The following ASCL5 variants were observed in gnomAD, a reference collection of about 807,000 sequenced individuals.
ASCL5 encodes achaete-scute family bHLH transcription factor 5.
For missense variants in ASCL5, 262 were observed against 268.9 expected (o/e 0.97, Z 0.18); for synonymous variants, 124 against 131.5 (o/e 0.94, Z 0.39).
intron 1 of ASCL5, among the ~76,000 whole-genome samples, chr1:201,120,347 A>G (rs1202162127): frequency 6.6e-6 from 1 of 151,954 alleles, no homozygotes; most frequent in Non-Finnish European, 1.5e-5. Context: ...GCACATTATC[A>G]TAACTTGCTG....
chr1:201,123,365 A>C (rs936009407), intron 1 of ASCL5, among the ~76,000 whole-genome samples: 1 of 152,194 alleles, frequency 6.6e-6, no homozygotes, highest in Non-Finnish European at 1.5e-5. Context: ...GGACAACCTC[A>C]ACTGCTGCCC....
Position 201,114,598 on chromosome 1 carries a change from G to T in ASCL5, c.*154C>A. 1.6e-6 allele frequency: 1 copy of T among 607,948 alleles called. No individual in the cohort carries two copies. Among genetic ancestry groups the T allele is most frequent in the Non-Finnish European group, 2.4e-6 (1 of 421,520 alleles). The allele number at this position is 607,948 out of a possible 1,614,324, so 37.7% of individuals were successfully genotyped here. A position where few individuals can be genotyped will look rare whatever the true frequency, so the allele number is the denominator to read the frequency against. On this transcript the variant is annotated 3_prime_UTR_variant, in exon 2 of 2. Transcript: ENST00000449188. ...TGCACTTCCGCCCCAAGCTGGTGGA[G>T]GAGGGAGGGTGTCGCAGACACGGGA...
intron 1 of ASCL5, among the ~76,000 whole-genome samples, chr1:201,118,701 C>T (rs1255363667): frequency 6.6e-6 from 1 of 152,060 alleles, no homozygotes; most frequent in East Asian, 1.9e-4. Context: ...TAGGATAGAA[C>T]AGCAAACAAA....
intron 1 of ASCL5, among the ~76,000 whole-genome samples, chr1:201,118,360 G>T (rs953768251): frequency 2.6e-4 from 39 of 152,094 alleles, no homozygotes; most frequent in African/African-American, 9.2e-4. Context: ...ATGTGCCTGT[G>T]GTCTCAGCTA....
chr1:201,123,732 C>A (rs1485756549), intron 1 of ASCL5, among the ~76,000 whole-genome samples: 1 of 152,206 alleles, frequency 6.6e-6, no homozygotes, highest in Non-Finnish European at 1.5e-5. Flanking sequence ...CCCCACCCCA[C>A]CCAAGGGGAG....
Position 201,115,636 on chromosome 1 carries a change from G to A in ASCL5, c.-264C>T. On this transcript the variant is annotated 5_prime_UTR_variant, in exon 2 of 2. Coordinates refer to ENST00000449188, the MANE Select transcript of ASCL5 (RefSeq NM_001270601.2). ...CCCATGGCGCCGCGGAACTCTGAGG[G>A]CCCGCACCCCGTTCCGCAGCACCCA... 1 of 301,768 alleles carries A rather than the reference G, an allele frequency of 3.3e-6. No individual in the cohort carries two copies. Among genetic ancestry groups the A allele is most frequent in the Non-Finnish European group, 6.1e-6 (1 of 165,224 alleles). 18.7% of individuals were successfully genotyped at this position (301,768 alleles called of 1,614,324 possible).
intron 1 of ASCL5, among the ~76,000 whole-genome samples, chr1:201,125,124 CA>C (rs1442010532): frequency 2.0e-5 from 3 of 152,250 alleles, no homozygotes; most frequent in Admixed American, 6.5e-5. Flanking sequence ...TGACTTTGAG[CA>C]GGCCTATTCC....
Position 201,115,065 on chromosome 1 carries a change from T to A in ASCL5, c.308A>T (p.Tyr103Phe). The A allele has an allele frequency of 3.2e-6, 4 of 1,232,020 alleles. No homozygotes were observed. The highest frequency in any genetic ancestry group is 4.0e-6 in the Non-Finnish European group (4 of 988,250). The allele number at this position is 1,232,020 out of a possible 1,614,324, so 76.3% of individuals were successfully genotyped here. A position where few individuals can be genotyped will look rare whatever the true frequency, so the allele number is the denominator to read the frequency against. ...RQRVKCVNEGYARLRGHLPGA... is the reference protein window; with the variant it reads ...RQRVKCVNEGFARLRGHLPGA... ...GGGGAGGTGGCCGCGGAGGCGAGCG[T>A]AGCCCTCGTTGACGCACTTGACTCG... The change falls in exon 2 of 2, where the codon TAC becomes TTC. Residue 103 changes from tyrosine (Y) to phenylalanine (F), a missense_variant. Coordinates refer to ENST00000449188, the MANE Select transcript of ASCL5 (RefSeq NM_001270601.2).
In ASCL5 at chr1:201,115,588, G is replaced by C. The variant is rs1663323616; in HGVS notation, c.-216C>G. 2.6e-6 allele frequency: 1 copy of C among 377,510 alleles called. No homozygotes were observed. The highest frequency in any genetic ancestry group is 4.6e-5 in the Admixed American group (1 of 21,874). 23.4% of individuals were successfully genotyped at this position (377,510 alleles called of 1,614,324 possible). A position where few individuals can be genotyped will look rare whatever the true frequency, so the allele number is the denominator to read the frequency against. ...CAAGTGTGGCCCCTCTCAGGAGGTC[G>C]GTGCACGCCTTCTCAGAGCCAGCCC... On this transcript the variant is annotated 5_prime_UTR_variant, in exon 2 of 2. Coordinates refer to ENST00000449188, the MANE Select transcript of ASCL5 (RefSeq NM_001270601.2).
At chr1:201,123,982 C>T (rs534468065) in intron 1 of ASCL5, among the ~76,000 whole-genome samples, 14 of 152,208 alleles carry the variant, frequency 9.2e-5, no homozygotes, top group Admixed American at 2.6e-4. Flanking sequence ...CAGTATTTAA[C>T]TTGCTCTCTC....
chr1:201,117,174 G>A (rs1253822664), intron 1 of ASCL5, among the ~76,000 whole-genome samples: 4 of 152,190 alleles, frequency 2.6e-5, no homozygotes, highest in African/African-American at 4.8e-5. Context: ...GGTGGCTCAC[G>A]CCTGTAGTCC....
rs1369208752 is a variant in ASCL5, at chr1:201,115,058, G to T, written c.315C>A (p.Arg105=). 8.1e-7 allele frequency: 1 copy of T among 1,232,164 alleles called. No individual in the cohort carries two copies. Among genetic ancestry groups the T allele is most frequent in the East Asian group, 3.2e-5 (1 of 31,704 alleles). The allele number at this position is 1,232,164 out of a possible 1,614,324, so 76.3% of individuals were successfully genotyped here. A position where few individuals can be genotyped will look rare whatever the true frequency, so the allele number is the denominator to read the frequency against. The part of the protein sequence containing the change: ...RVKCVNEGYA[R]LRGHLPGALA... The stretch of plus-strand genomic sequence containing the variant: ...GGGCGCCGGGGAGGTGGCCGCGGAG[G>T]CGAGCGTAGCCCTCGTTGACGCACT... Residue 105 remains arginine, a synonymous_variant, in exon 2 of 2, where the codon CGC becomes CGA. Coordinates refer to ENST00000449188, the MANE Select transcript of ASCL5 (RefSeq NM_001270601.2).
At chr1:201,116,925 C>A (rs1279293441) in intron 1 of ASCL5, among the ~76,000 whole-genome samples, 1 of 152,182 alleles carries the variant, frequency 6.6e-6, no homozygotes, top group African/African-American at 2.4e-5. Context: ...CTGGGCACGG[C>A]CTCTCCAAGA....
At chr1:201,120,836 A>G (rs878862014) in intron 1 of ASCL5, among the ~76,000 whole-genome samples, 2 of 151,782 alleles carry the variant, frequency 1.3e-5, no homozygotes, top group Admixed American at 1.3e-4. Context: ...TTCTCCTACC[A>G]CTCTGAGAGA....
At chr1:201,125,134 C>T (rs1663555791) in intron 1 of ASCL5, among the ~76,000 whole-genome samples, 1 of 152,350 alleles carries the variant, frequency 6.6e-6, no homozygotes, top group Admixed American at 6.5e-5. Flanking sequence ...CAGGCCTATT[C>T]CATTTCCTCT....
At chr1:201,117,188 C>T (rs899869188) in intron 1 of ASCL5, among the ~76,000 whole-genome samples, 2 of 152,178 alleles carry the variant, frequency 1.3e-5, no homozygotes, top group African/African-American at 4.8e-5. Context: ...GTAGTCCCAG[C>T]ACTTTGGGAG....
chr1:201,115,393 C>A lies in ASCL5; in HGVS notation c.-21G>T. On this transcript the variant is annotated 5_prime_UTR_variant, in exon 2 of 2. Transcript: ENST00000449188. ...TTCATGGTGCCGCGTGGAGCTGGAC[C>A]CAGAGCGAGGCCTCCACCGAATGGC... The A allele has an allele frequency of 8.1e-7, 1 of 1,231,468 alleles. No individual in the cohort carries two copies. Among genetic ancestry groups the A allele is most frequent in the South Asian group, 4.1e-5 (1 of 24,308 alleles). 76.3% of individuals were successfully genotyped at this position (1,231,468 alleles called of 1,614,324 possible).
Position 201,114,888 on chromosome 1 carries a change from G to A in ASCL5, c.485C>T (p.Ala162Val), listed in dbSNP as rs1663302672. The change falls in exon 2 of 2, where the codon GCG becomes GTG. Residue 162 changes from alanine (A) to valine (V), a missense_variant. Coordinates refer to ENST00000449188, the MANE Select transcript of ASCL5 (RefSeq NM_001270601.2). ...RGLPGTGPCP[A>V]PPATPRPDRP... Reference sequence around the variant, plus strand: ...GTCGGGACGGGGGGTGGCGGGCGGCGCGGGGCAGGGCCCGGTGCCCGGGAG... The same window carrying A: ...GTCGGGACGGGGGGTGGCGGGCGGCACGGGGCAGGGCCCGGTGCCCGGGAG... 1 of 1,228,912 alleles carries A rather than the reference G, an allele frequency of 8.1e-7. No homozygotes were observed. Among genetic ancestry groups the A allele is most frequent in the South Asian group, 4.1e-5 (1 of 24,300 alleles). 76.1% of individuals were successfully genotyped at this position (1,228,912 alleles called of 1,614,324 possible).
In ASCL5 at chr1:201,114,393, A is replaced by C; in HGVS notation, c.*359T>G. The C allele has an allele frequency of 1.0e-5, 2 of 194,528 alleles. No individual in the cohort carries two copies. Among genetic ancestry groups the C allele is most frequent in the East Asian group, 1.2e-4 (1 of 8,052 alleles). The allele number at this position is 194,528 out of a possible 1,614,324, so 12.1% of individuals were successfully genotyped here. A position where few individuals can be genotyped will look rare whatever the true frequency, so the allele number is the denominator to read the frequency against. On this transcript the variant is annotated 3_prime_UTR_variant, in exon 2 of 2. Transcript: ENST00000449188. ...CAGAGACTGGACTGCGCCTGCGGCA[A>C]GGAAGGACGGAGCAGAGCCACCTGA...
Sources: gnomAD v4.1 joint callset for allele counts (sites outside exome capture counted in the v4.1 genomes callset) on GRCh38, gnomAD v4.1.1 for gene constraint, MANE v1.5 for transcripts, NCBI Gene and HGNC (gene_info 2026-07-23, HGNC 2026-07-21) for gene names.